Variants in DNAH2 observed in about 807,000 individuals in gnomAD.
The protein encoded by DNAH2 is dynein axonemal heavy chain 2, also known as axonemal beta dynein heavy chain 2.
Under a neutral mutation model 523.5 loss-of-function variants are expected in DNAH2, and 323 were observed. The observed-to-expected ratio is 0.62, with a 90% CI of 0.56 to 0.68. DNAH2 has a LOEUF of 0.68. DNAH2 is among the 30% of genes least tolerant of loss of function. DNAH2 has a pLI of 0.00. For synonymous variants in DNAH2, 2,093 were observed against 2,177.4 expected (o/e 0.96, Z 1.08); for missense variants, 4,907 against 5,701.5 (o/e 0.86, Z 4.49).
chr17:7,800,534 C>T lies in DNAH2; in HGVS notation c.8700-1044C>T, dbSNP rs114277400. Among the ~76,000 whole-genome samples the T allele has an allele frequency of 6.4e-3, 967 of 151,874 alleles. 10 individuals are homozygous for T. Among genetic ancestry groups the T allele is most frequent in the African/African-American group, 0.022 (915 of 41,432 alleles). On this transcript the variant is annotated intron_variant, in intron 56 of 85. Coordinates refer to ENST00000572933, the MANE Select transcript of DNAH2 (RefSeq NM_020877.5). ...AGGGAATTAGAAACTAGGAAGAGGG[C>T]GGAGAACTTGTGCAGGGAAGCAATT... is the stretch of plus-strand genomic sequence containing the variant.
At chr17:7,723,785 C>A in intron 3 of DNAH2, 96 bp downstream of exon 3, 1 of 1,060,386 alleles carries the variant, frequency 9.4e-7, no homozygotes, top group Non-Finnish European at 1.4e-6. Flanking sequence ...TCTCTCTTGT[C>A]TGCCACTTCT....
chr17:7,748,536 C>T (rs531311827), intron 12 of DNAH2, among the ~76,000 whole-genome samples: 1 of 152,284 alleles, frequency 6.6e-6, no homozygotes, highest in African/African-American at 2.4e-5. Flanking sequence ...CACTGTGTTA[C>T]CCAGGCTGGA....
intron 63 of DNAH2, among the ~76,000 whole-genome samples, chr17:7,814,309 A>G (rs1597745367): frequency 6.6e-6 from 1 of 151,826 alleles, no homozygotes; most frequent in South Asian, 2.1e-4. Flanking sequence ...TTTTAAAGAT[A>G]TGTTATAAAG....
intron 59 of DNAH2, 87 bp from the exon 60 acceptor site, chr17:7,804,871 T>C: frequency 8.1e-7 from 1 of 1,232,862 alleles, no homozygotes; most frequent in Non-Finnish European, 1.2e-6. Context: ...TTCTTTAGCT[T>C]TCTCTTTCAT....
At chr17:7,741,043 G>A (rs2075299856) in intron 11 of DNAH2, 51 bp downstream of exon 11, 1 of 1,550,008 alleles carries the variant, frequency 6.5e-7, no homozygotes, top group Non-Finnish European at 8.7e-7. Flanking sequence ...CCGCCAGGAG[G>A]GATGGGGGAT....
At chr17:7,825,217 C>G (rs927255620) in intron 77 of DNAH2, among the ~76,000 whole-genome samples, 1 of 152,186 alleles carries the variant, frequency 6.6e-6, no homozygotes, top group African/African-American at 2.4e-5. Context: ...ATTTTTATCT[C>G]CAATATCACA....
chr17:7,786,459 T>C lies in DNAH2; in HGVS notation c.6349-111T>C. ...GGGAGAGCTGTACCTGGGACCATGG[T>C]GGCCTGGAGCGATGAGAGAAGGGAC... On this transcript the variant is annotated intron_variant, in intron 40 of 85. Transcript: ENST00000572933. This position sits in a 1 kb window ranked among gnomAD's most constrained non-coding sequence, Gnocchi z 7.5. 1.4e-6 allele frequency: 2 copies of C among 1,466,736 alleles called. No individual in the cohort carries two copies. The highest frequency in any genetic ancestry group is 1.9e-6 in the Non-Finnish European group (2 of 1,071,202). The allele number at this position is 1,466,736 out of a possible 1,614,324, so 90.9% of individuals were successfully genotyped here.
rs759753714 is a variant in DNAH2 at position 7,831,292 on chromosome 17, G to C, written c.12437G>C (p.Gly4146Ala). ...CCTCAGATTACACCCACCAGGGCTGGAGGCCAGACCCGGGAAGAGAAGGTA... is the reference window on the plus strand; with the variant it reads ...CCTCAGATTACACCCACCAGGGCTGCAGGCCAGACCCGGGAAGAGAAGGTA... ...LQPQITPTRA[G>A]GQTREEKVLE... Residue 4146 changes from glycine to alanine, a missense_variant, in exon 80 of 86, where the codon GGA becomes GCA. Physicochemically the swap from Gly to Ala is moderately conservative, Grantham distance 60. This residue lies in a region of DNAH2 where 1,851 missense variants were observed against 2,139.4 expected (regional missense o/e 0.87). Coordinates refer to ENST00000572933, the MANE Select transcript of DNAH2 (RefSeq NM_020877.5). This position sits in a 1 kb window ranked among gnomAD's most constrained non-coding sequence, Gnocchi z 4.2. The C allele has an allele frequency of 6.2e-7, 1 of 1,614,130 alleles. No homozygotes were observed. The highest frequency in any genetic ancestry group is 1.7e-5 in the Admixed American group (1 of 60,030).
At chr17:7,823,351 G>C in intron 73 of DNAH2, 91 bp from the exon 74 acceptor site, 1 of 1,246,452 alleles carries the variant, frequency 8.0e-7, no homozygotes, top group Non-Finnish European at 1.1e-6. Flanking sequence ...AAAATACAGA[G>C]AGAGAGAGAG....
chr17:7,787,735 T>TAA lies in DNAH2; in HGVS notation c.6604-107_6604-106dup, dbSNP rs34626825. On this transcript the variant is annotated intron_variant, in intron 42 of 85. Coordinates refer to ENST00000572933, the MANE Select transcript of DNAH2 (RefSeq NM_020877.5). ...TGGGTGACGGAGTGAGACTTTGTCT[T>TAA]AAAAAAAAAAAAAAAAAAAGCAAAT... 6.5e-3 allele frequency: 6,065 copies of TAA among 930,538 alleles called. 2 individuals are homozygous for TAA. Among genetic ancestry groups the TAA allele is most frequent in the Non-Finnish European group, 7.4e-3 (5,062 of 687,488 alleles). 57.6% of individuals were successfully genotyped at this position (930,538 alleles called of 1,614,324 possible).
chr17:7,815,730 G>GGGATCACACACACATATACA (rs1422208382), intron 63 of DNAH2, among the ~76,000 whole-genome samples: 2 of 145,366 alleles, frequency 1.4e-5, no homozygotes, highest in Admixed American at 6.9e-5. Context: ...ACACGTATAC[G>GGGATCACACACACATATACA]GGATCACACA....
chr17:7,817,924 C>T (rs775840550), intron 67 of DNAH2, 22 bp from the exon 68 acceptor site: 74 of 1,613,984 alleles, frequency 4.6e-5, no homozygotes, highest in Non-Finnish European at 6.0e-5. Flanking sequence ...AGTGTTCCTT[C>T]ACCTTCCCCC....
At chr17:7,732,749 C>G (rs1439851061) in intron 4 of DNAH2, among the ~76,000 whole-genome samples, 1 of 152,090 alleles carries the variant, frequency 6.6e-6, no homozygotes, top group Non-Finnish European at 1.5e-5. Context: ...GGCTGAAGTG[C>G]TTCCTCCATT....
At chr17:7,779,143 C>T in intron 35 of DNAH2, 100 bp from the exon 36 acceptor site, 3 of 1,417,132 alleles carry the variant, frequency 2.1e-6, no homozygotes, top group East Asian at 2.4e-5. Context: ...CTGGAGGCCG[C>T]CTCGCCTATT....
At position 7,797,728 on chromosome 17, in the gene DNAH2, C is replaced by T; in HGVS notation, c.8129C>T (p.Thr2710Ile). ...GTGTATGAAGACCTCACGGATCTGA[C>T]AGTGCTGAAGACAGTCATGGAGACA... ...PKVYEDLTDL[T>I]VLKTVMETAL... The change falls in exon 53 of 86, where the codon ACA becomes ATA. Residue 2710 changes from threonine (T) to isoleucine (I), a missense_variant. By Grantham distance (89) the Thr-to-Ile change is moderately conservative (BLOSUM62 -1). This residue lies in a region of DNAH2 where 250 missense variants were observed against 371.3 expected (regional missense o/e 0.67). Coordinates refer to ENST00000572933, the MANE Select transcript of DNAH2 (RefSeq NM_020877.5). 1 of 1,614,164 alleles carries T rather than the reference C, an allele frequency of 6.2e-7. No individual in the cohort carries two copies. The highest frequency in any genetic ancestry group is 8.5e-7 in the Non-Finnish European group (1 of 1,180,044).
intron 7 of DNAH2, among the ~76,000 whole-genome samples, chr17:7,736,682 G>A (rs918236168): frequency 4.6e-5 from 7 of 152,006 alleles, no homozygotes; most frequent in Non-Finnish European, 8.8e-5. Context: ...GGTTGAAGAT[G>A]GTTAAAAAGC....
chr17:7,758,711 GTGT>G (rs1345082420), intron 14 of DNAH2, 60 bp downstream of exon 14: 6 of 1,575,280 alleles, frequency 3.8e-6, no homozygotes, highest in Admixed American at 3.8e-5. Context: ...TTATACCTGA[GTGT>G]TGCATAGAGA....
Position 7,807,108 on chromosome 17 carries a change from G to A in DNAH2, c.9443-42G>A. The A allele has an allele frequency of 6.3e-7, 1 of 1,587,522 alleles. No homozygotes were observed. The highest frequency in any genetic ancestry group is 8.5e-7 in the Non-Finnish European group (1 of 1,172,654). Reference sequence around the variant, plus strand: ...GTGAAACTGCTGGACAAGGAGGATGGCATTAAGCCTCTGGCTAAGGCCCCT... The same window carrying A: ...GTGAAACTGCTGGACAAGGAGGATGACATTAAGCCTCTGGCTAAGGCCCCT... On this transcript the variant is annotated intron_variant, in intron 61 of 85. Transcript: ENST00000572933. The surrounding 1 kb of genome is among the most constrained non-coding windows in gnomAD (Gnocchi z 5.6).
rs991358197 is a variant in DNAH2 at position 7,797,436 on chromosome 17, A to G, written c.7986A>G (p.Thr2662=). The G allele has an allele frequency of 6.2e-7, 1 of 1,614,194 alleles. No individual in the cohort carries two copies. The highest frequency in any genetic ancestry group is 8.5e-7 in the Non-Finnish European group (1 of 1,180,050). Residue 2662 remains threonine (T), a synonymous_variant, in exon 52 of 86, where the codon ACA becomes ACG. Coordinates refer to ENST00000572933, the MANE Select transcript of DNAH2 (RefSeq NM_020877.5). ...ACCGGCTGGTTGATGCGGCAGACAC[A>G]GAAGCCTTCATGGGCATCATAAGCG... ...FSDRLVDAAD[T]EAFMGIISDK...
Sources: allele counts gnomAD v4.1 joint callset (sites outside exome capture counted in the v4.1 genomes callset), GRCh38; gene constraint gnomAD v4.1.1; regional missense constraint gnomAD v4.1.1; non-coding constraint Gnocchi (gnomAD v3.1); transcripts MANE v1.5; gene names NCBI Gene and HGNC (gene_info 2026-07-23, HGNC 2026-07-21).